Variants in DCAF6 observed in about 807,000 individuals in gnomAD.
The protein encoded by DCAF6 is DDB1 and CUL4 associated factor 6.
Under a neutral mutation model 125.1 loss-of-function variants are expected in DCAF6, and 54 were observed. That is an observed-to-expected ratio of 0.43 (90% CI 0.35 to 0.54). DCAF6 has a LOEUF of 0.54. Ranked by LOEUF, DCAF6 falls within the 20% of genes least tolerant of loss-of-function variation. DCAF6 has a pLI of 0.01. For synonymous variants in DCAF6, 371 were observed against 390.4 expected (o/e 0.95, Z 0.58); for missense variants, 934 against 1,161.7 (o/e 0.80, Z 2.85).
upstream of DCAF6, among the ~76,000 whole-genome samples, chr1:167,935,420 C>T (rs114134571): frequency 1.8e-3 from 277 of 152,284 alleles, no homozygotes; most frequent in African/African-American, 6.3e-3. Context: ...CATGGTGGCC[C>T]CAGACAGTTT....
At chr1:168,027,925 C>A (rs541953629) in intron 12 of DCAF6, among the ~76,000 whole-genome samples, 7 of 152,004 alleles carry the variant, frequency 4.6e-5, no homozygotes, top group African/African-American at 1.7e-4. Context: ...TTTTAAGAAA[C>A]AAAATTGTAG....
At chr1:168,018,398 T>C (rs570253204) in intron 11 of DCAF6, among the ~76,000 whole-genome samples, 2 of 152,334 alleles carry the variant, frequency 1.3e-5, no homozygotes, top group East Asian at 3.9e-4. Flanking sequence ...TGTTCACTCT[T>C]TGTCATCAGT....
intron 1 of DCAF6, among the ~76,000 whole-genome samples, chr1:167,940,662 A>G (rs1672102510): frequency 6.6e-6 from 1 of 152,176 alleles, no homozygotes; most frequent in South Asian, 2.1e-4. Context: ...ATTATCCCAT[A>G]TATATACGGT....
chr1:167,877,972 C>G, the DCAF6 span, among the ~76,000 whole-genome samples: 873 of 152,242 alleles, frequency 5.7e-3, 16 homozygotes, highest in African/African-American at 0.02. Context: ...GACTGAAAGC[C>G]ATTGAAGGAT....
chr1:167,950,649 A>G (rs1455252621), intron 1 of DCAF6, among the ~76,000 whole-genome samples: 1 of 152,238 alleles, frequency 6.6e-6, no homozygotes, highest in African/African-American at 2.4e-5. Flanking sequence ...CCTTTGTGAC[A>G]GTATACAGAA....
chr1:167,907,587 G>C, the DCAF6 span, among the ~76,000 whole-genome samples: 1 of 152,198 alleles, frequency 6.6e-6, no homozygotes, highest in African/African-American at 2.4e-5. Context: ...CAAGTAGACA[G>C]GGAAGTGCAC....
chr1:168,065,228 G>C (rs369851), intron 18 of DCAF6, among the ~76,000 whole-genome samples: 16,759 of 152,028 alleles, frequency 0.11, 2,655 homozygotes, highest in African/African-American at 0.35. Context: ...CCTCTTCTTA[G>C]GGGGGATTTT....
At chr1:167,894,064 G>A in the DCAF6 span, 4 of 712,772 alleles carry the variant, frequency 5.6e-6, no homozygotes, top group Admixed American at 8.2e-5. Flanking sequence ...ACAGTTGTCA[G>A]GAGACTCTGG....
the DCAF6 span, among the ~76,000 whole-genome samples, chr1:167,910,827 T>C: frequency 2.0e-5 from 3 of 152,186 alleles, no homozygotes; most frequent in African/African-American, 7.2e-5. Context: ...TGGCTCAACT[T>C]TGACTTCTTT....
the DCAF6 span, chr1:167,901,782 T>A: frequency 6.2e-7 from 1 of 1,614,032 alleles, no homozygotes; most frequent in African/African-American, 1.3e-5. Flanking sequence ...CGCTCCACCC[T>A]CCACAGGGCT....
chr1:168,066,702 G>T (rs1692385128), intron 20 of DCAF6, among the ~76,000 whole-genome samples: 1 of 152,110 alleles, frequency 6.6e-6, no homozygotes, highest in South Asian at 2.1e-4. Context: ...CAGATTAGGT[G>T]TATAGTAGTT....
chr1:168,012,272 G>T (rs185173559), intron 10 of DCAF6, among the ~76,000 whole-genome samples: 4 of 152,216 alleles, frequency 2.6e-5, no homozygotes, highest in Admixed American at 2.0e-4. Flanking sequence ...GTGGACCTTT[G>T]TTGCGTCAAC....
intron 2 of DCAF6, among the ~76,000 whole-genome samples, chr1:167,966,013 A>G (rs1474297470): frequency 2.0e-5 from 3 of 152,052 alleles, no homozygotes; most frequent in Non-Finnish European, 4.4e-5. Context: ...AGGTTTTCCT[A>G]CCCTAGCTCT....
the DCAF6 span, among the ~76,000 whole-genome samples, chr1:167,919,160 T>C: frequency 6.6e-6 from 1 of 152,188 alleles, no homozygotes; most frequent in African/African-American, 2.4e-5. Context: ...TAAAATATAC[T>C]TCTGTGATGC....
At chr1:167,996,670 G>A (rs1285107465) in intron 7 of DCAF6, among the ~76,000 whole-genome samples, 1 of 152,142 alleles carries the variant, frequency 6.6e-6, no homozygotes, top group African/African-American at 2.4e-5. Flanking sequence ...GTGGCTTCAA[G>A]ATCTTATATT....
At chr1:168,006,803 C>G (rs557173374) in intron 10 of DCAF6, among the ~76,000 whole-genome samples, 44 of 152,108 alleles carry the variant, frequency 2.9e-4, no homozygotes, top group Admixed American at 5.2e-4. Flanking sequence ...AATGTTTATC[C>G]CTTTACATGT....
intron 11 of DCAF6, among the ~76,000 whole-genome samples, chr1:168,017,171 T>A (rs886723149): frequency 4.6e-5 from 7 of 151,562 alleles, no homozygotes; most frequent in Admixed American, 6.6e-5. Context: ...CTTTAACAAT[T>A]AACAAGAAAA....
At chr1:167,982,107 C>T (rs1679267593) in intron 4 of DCAF6, among the ~76,000 whole-genome samples, 1 of 152,128 alleles carries the variant, frequency 6.6e-6, no homozygotes, top group Admixed American at 6.5e-5. Context: ...TTTTGATTTG[C>T]ATTTCTCTGA....
At chr1:167,875,711 GA>G in the DCAF6 span, among the ~76,000 whole-genome samples, 2 of 152,204 alleles carry the variant, frequency 1.3e-5, no homozygotes, top group Non-Finnish European at 2.9e-5. Context: ...AGCCCTTTGG[GA>G]GGCCGAGGTG....
Sources: gnomAD v4.1 joint callset for allele counts (sites outside exome capture counted in the v4.1 genomes callset) on GRCh38, gnomAD v4.1.1 for gene constraint, MANE v1.5 for transcripts, NCBI Gene and HGNC (gene_info 2026-07-23, HGNC 2026-07-21) for gene names.